UBR4: variants seen among roughly 807,000 people sequenced by gnomAD.
UBR4 encodes ubiquitin protein ligase E3 component n-recognin 4.
In UBR4, 124 loss-of-function variants were observed where a neutral mutation model predicts 575.6. The observed-to-expected ratio is 0.22, with a 90% CI of 0.19 to 0.25. The LOEUF is 0.25. Ranked by LOEUF, UBR4 falls within the 10% of genes least tolerant of loss-of-function variation. UBR4 has a pLI of 1.00. For synonymous variants in UBR4, 2,455 were observed against 2,473.7 expected, an observed-to-expected ratio of 0.99 and a Z score of 0.22; for missense variants, 4,818 against 6,478.8, an observed-to-expected ratio of 0.74 and a Z score of 8.80.
At chr1:19,136,157 G>A (rs2083178789) in intron 60 of UBR4, among the ~76,000 whole-genome samples, 1 of 152,158 alleles carries the variant, frequency 6.6e-6, no homozygotes, top group South Asian at 2.1e-4. Flanking sequence ...CTGAGATAGT[G>A]TAAATCAGAA....
At position 19,183,821 on chromosome 1, in the gene UBR4, G is replaced by C; in HGVS notation, c.2174C>G (p.Pro725Arg). The C allele has an allele frequency of 6.2e-7, 1 of 1,614,118 alleles. No individual in the cohort carries two copies. The highest frequency in any genetic ancestry group is 8.5e-7 in the Non-Finnish European group (1 of 1,179,998). ...ACAGCACACACAAACCTGCAGGTTAGGTGACTGAAGGTCAGAGGTTACCAG... is the reference window on the plus strand; with the variant it reads ...ACAGCACACACAAACCTGCAGGTTACGTGACTGAAGGTCAGAGGTTACCAG... ...HSLVTSDLQSPNLQNTLLQQL... is the reference protein window; with the variant it reads ...HSLVTSDLQSRNLQNTLLQQL... The change falls in exon 17 of 106, where the codon CCT (proline) becomes CGT (arginine). Residue 725 changes from proline to arginine, a missense_variant. Around this residue, in one of 29 missense-constraint regions of UBR4, gnomAD observed 1,172 missense variants for 1,259.7 expected, o/e 0.93. Coordinates refer to ENST00000375254, the MANE Select transcript of UBR4 (RefSeq NM_020765.3).
At chr1:19,099,988 G>T (rs1168545261) in intron 89 of UBR4, 14 of 429,056 alleles carry the variant, frequency 3.3e-5, no homozygotes, top group Non-Finnish European at 5.4e-5. Context: ...GACCCTCAAC[G>T]GTCTGCCAGA....
chr1:19,167,114 G>A lies in UBR4; in HGVS notation c.4017C>T (p.Gly1339=), dbSNP rs374188672. 1 of 1,614,178 alleles carries A rather than the reference G, an allele frequency of 6.2e-7. No individual in the cohort carries two copies. Among genetic ancestry groups the A allele is most frequent in the South Asian group, 1.1e-5 (1 of 91,082 alleles). Residue 1339 remains glycine, a synonymous_variant, in exon 29 of 106, where the codon GGC becomes GGT. Coordinates refer to ENST00000375254, the MANE Select transcript of UBR4 (RefSeq NM_020765.3). ...CCAAGAACTCATCAGACTCAGCAGG[G>A]CCCAAGATGCGTTCCAGGGAGTTGC... ...ISSNSLERIL[G]PAESDEFLAR...
intron 97 of UBR4, among the ~76,000 whole-genome samples, chr1:19,092,074 G>A (rs189796563): frequency 2.3e-3 from 348 of 152,242 alleles, no homozygotes; most frequent in African/African-American, 7.4e-3. Flanking sequence ...AGAACACATC[G>A]GTGGGTGCCA....
In UBR4 at chr1:19,186,524, A is replaced by G. The variant is rs1465297678; in HGVS notation, c.1750+16T>C. On this transcript the variant is annotated intron_variant, in intron 14 of 105. Transcript: ENST00000375254. ...CTATAGCTTATCTCTGGGAGAGAGA[A>G]AAGAGCGGCCTCTACCTTGGCTGCT... is the stretch of plus-strand genomic sequence containing the variant. 1 of 1,607,120 alleles carries G rather than the reference A, an allele frequency of 6.2e-7. No individual in the cohort carries two copies. Among genetic ancestry groups the G allele is most frequent in the Admixed American group, 1.7e-5 (1 of 59,968 alleles).
intron 65 of UBR4, 184 bp downstream of exon 65, chr1:19,124,357 G>A: frequency 1.4e-6 from 1 of 714,492 alleles, no homozygotes; most frequent in Non-Finnish European, 2.2e-6. Context: ...TGGCTTGTTT[G>A]ATACACATCT....
chr1:19,076,797 T>C lies in UBR4; in HGVS notation c.15430A>G (p.Thr5144Ala). ...IYEAADKALK[T>A]FQEEFMPVET... Reference sequence around the variant, plus strand: ...ACTGGCATGAACTCCTCCTGGAAGGTTTTCAGGGCTTTGTCGGCAGCTTCG... The same window carrying C: ...ACTGGCATGAACTCCTCCTGGAAGGCTTTCAGGGCTTTGTCGGCAGCTTCG... The change falls in exon 105 of 106, where the codon ACC becomes GCC. Residue 5144 changes from threonine to alanine, a missense_variant. Around this residue, in one of 29 missense-constraint regions of UBR4, gnomAD observed 212 missense variants for 221.3 expected, o/e 0.96. Coordinates refer to ENST00000375254, the MANE Select transcript of UBR4 (RefSeq NM_020765.3). The C allele has an allele frequency of 1.9e-6, 3 of 1,613,426 alleles. No individual in the cohort carries two copies. The highest frequency in any genetic ancestry group is 2.5e-6 in the Non-Finnish European group (3 of 1,179,828).
In UBR4 at chr1:19,157,905, A is replaced by G; in HGVS notation, c.5670T>C (p.Ser1890=). ...DQGQTIRQLI[S]AHVLRRVAMC... ...TAGCCACCCGCCTGAGCACATGAGC[A>G]CTGATCAGCTGCCGGATGGTCTGGC... is the stretch of plus-strand genomic sequence containing the variant. Residue 1890 remains serine, a synonymous_variant, in exon 40 of 106, where the codon AGT becomes AGC. Coordinates refer to ENST00000375254, the MANE Select transcript of UBR4 (RefSeq NM_020765.3). This position sits in a 1 kb window ranked among gnomAD's most constrained non-coding sequence, Gnocchi z 4.4. The G allele has an allele frequency of 6.2e-7, 1 of 1,614,234 alleles. No homozygotes were observed. Among genetic ancestry groups the G allele is most frequent in the Non-Finnish European group, 8.5e-7 (1 of 1,180,018 alleles).
chr1:19,167,975 C>G, intron 28 of UBR4, 52 bp downstream of exon 28: 1 of 1,485,172 alleles, frequency 6.7e-7, no homozygotes, highest in East Asian at 2.4e-5. Context: ...CCCTCTTTAA[C>G]CACAATAGAA....
intron 103 of UBR4, chr1:19,078,323 A>G: frequency 2.5e-6 from 1 of 399,296 alleles, no homozygotes; most frequent in Non-Finnish European, 4.6e-6. Flanking sequence ...AGATCAGGGT[A>G]AAATGGAACC....
chr1:19,142,601 C>T (rs879911340), intron 55 of UBR4, among the ~76,000 whole-genome samples: 11 of 152,170 alleles, frequency 7.2e-5, no homozygotes, highest in Non-Finnish European at 1.0e-4. Context: ...GTGCACTGTC[C>T]ACCAGCCACA....
intron 1 of UBR4, among the ~76,000 whole-genome samples, chr1:19,204,682 T>C (rs766579363): frequency 2.4e-4 from 36 of 152,128 alleles, no homozygotes; most frequent in Non-Finnish European, 4.3e-4. Context: ...TGGGGAAAGA[T>C]AGACATTGGC....
Position 19,086,257 on chromosome 1 carries a change from G to C in UBR4, c.14701C>G (p.Arg4901Gly). 6.3e-7 allele frequency: 1 copy of C among 1,575,600 alleles called. No individual in the cohort carries two copies. ...HLAAVRLARG[R>G]EEWESAALQN... is the part of the protein sequence containing the mutation. ...AGGGCGGCACTCTCCCACTCTTCCC[G>C]GCCTCGAGCCAACCTGGATAGGGAG... Residue 4901 changes from arginine (R) to glycine (G), a missense_variant, in exon 101 of 106, where the codon CGG becomes GGG. Around this residue, in one of 29 missense-constraint regions of UBR4, gnomAD observed 196 missense variants for 386.8 expected, o/e 0.51. Transcript: ENST00000375254.
chr1:19,185,186 CAGTGGAGGAGGT>C lies in UBR4; in HGVS notation c.1839_1850del (p.Pro614_Leu617del). 6.2e-7 allele frequency: 1 copy of C among 1,614,070 alleles called. No homozygotes were observed. Among genetic ancestry groups the C allele is most frequent in the Non-Finnish European group, 8.5e-7 (1 of 1,179,984 alleles). Reference sequence around the variant, plus strand: ...GGCTTTTAACCCGAGGAGAGCTTTCCAGTGGAGGAGGTGGGGGAGGAGGCGGAGGTGCTGCTT... The same window carrying C: ...GGCTTTTAACCCGAGGAGAGCTTTCCGGGGGAGGAGGCGGAGGTGCTGCTT... On this transcript the variant is annotated inframe_deletion, in exon 15 of 106. Coordinates refer to ENST00000375254, the MANE Select transcript of UBR4 (RefSeq NM_020765.3).
At chr1:19,084,789 G>T in intron 101 of UBR4, 91 bp from the exon 102 acceptor site, 4 of 1,259,666 alleles carry the variant, frequency 3.2e-6, no homozygotes, top group South Asian at 1.5e-5. Flanking sequence ...GTACTCCCAG[G>T]CCTGATGGCT....
chr1:19,113,887 C>G (rs112350725), intron 76 of UBR4, 58 bp downstream of exon 76: 1 of 1,614,172 alleles, frequency 6.2e-7, no homozygotes, highest in Non-Finnish European at 8.5e-7. Flanking sequence ...ACCTAGGAGG[C>G]AGTCTTCTGA....
intron 7 of UBR4, 83 bp downstream of exon 7, chr1:19,197,587 C>T (rs1348884642): frequency 6.4e-7 from 1 of 1,552,800 alleles, no homozygotes; most frequent in Non-Finnish European, 8.7e-7. Flanking sequence ...AGACTGCACC[C>T]CTGCACTCCA....
In UBR4 at chr1:19,107,503, G is replaced by A. The variant is rs184467077; in HGVS notation, c.12106-537C>T. Among the ~76,000 whole-genome samples, 54 of 152,226 alleles carry A rather than the reference G, an allele frequency of 3.5e-4. 1 individual carries two copies. In the East Asian group the frequency reaches 7.7e-3, roughly 22 times the overall value. ...CTCATGTTAAAAACTAAAACTGGCCGGGCGCGGTGACTCACGCCTATAATC... is the reference window on the plus strand; with the variant it reads ...CTCATGTTAAAAACTAAAACTGGCCAGGCGCGGTGACTCACGCCTATAATC... On this transcript the variant is annotated intron_variant, in intron 81 of 105. Transcript: ENST00000375254.
At chr1:19,187,677 C>A (rs761814146) in intron 11 of UBR4, 137 bp from the exon 12 acceptor site, 1 of 686,630 alleles carries the variant, frequency 1.5e-6, no homozygotes, top group Non-Finnish European at 2.5e-6. Flanking sequence ...AAAAATTGTA[C>A]ATACATACAT....
Sources: allele counts gnomAD v4.1 joint callset (sites outside exome capture counted in the v4.1 genomes callset), GRCh38; gene constraint gnomAD v4.1.1; regional missense constraint gnomAD v4.1.1; non-coding constraint Gnocchi (gnomAD v3.1); transcripts MANE v1.5; gene names NCBI Gene and HGNC (gene_info 2026-07-23, HGNC 2026-07-21).